SLC9A7: variants seen among roughly 807,000 people sequenced by gnomAD.
The protein encoded by SLC9A7 is solute carrier family 9 member A7.
In SLC9A7, 19 loss-of-function variants were observed where a neutral mutation model predicts 52.6. The ratio of observed to expected loss-of-function variants is 0.36; its 90% CI spans 0.25 to 0.53. SLC9A7 has a LOEUF of 0.53. Among genes scored for constraint, SLC9A7 ranks in the 20% least tolerant of loss-of-function variants. The probability of loss-of-function intolerance (pLI) is 0.91; values close to 1 mark genes in which losing one functional copy is unlikely to be tolerated. For synonymous variants in SLC9A7, 226 were observed against 252.1 expected (o/e 0.90, Z 0.98); for missense variants, 455 against 597.9 (o/e 0.76, Z 2.49).
intron 7 of SLC9A7, among the ~76,000 whole-genome samples, chrX:46,660,712 C>G (rs1602194402): frequency 1.8e-5 from 2 of 109,201 alleles, no homozygotes; most frequent in East Asian, 5.8e-4. Flanking sequence ...ATTAAAAAGT[C>G]AGGAAACAAC....
chrX:46,700,493 T>C lies in SLC9A7; in HGVS notation c.326-17958A>G, dbSNP rs370380501. On this transcript the variant is annotated intron_variant, in intron 1 of 16. Coordinates refer to ENST00000616978, the MANE Select transcript of SLC9A7 (RefSeq NM_001257291.2). ...ACATCAGCTACGCTTTGAAATAGAT[T>C]AATCAGTTTTTCCTCTGAGCTTCTG... 7.1e-5 allele frequency among the ~76,000 whole-genome samples: 8 copies of C among 112,202 alleles called. No individual in the cohort carries two copies. The East Asian group carries it at 2.0e-3, about 27-fold the overall frequency.
chrX:46,758,907 G>A lies in SLC9A7; in HGVS notation c.123C>T (p.Ala41=), dbSNP rs1922899464. ...WGLRVAAAAS[A]SSSGAAAEDS... is the part of the protein sequence containing the mutation. ...CCTCCGCCGCCGCCCCAGAGGAGGA[G>A]GCCGAGGCCGCGGCCGCGACTCGCA... The change falls in exon 1 of 17, where the codon GCC becomes GCT. Residue 41 remains alanine (A), a synonymous_variant. Coordinates refer to ENST00000616978, the MANE Select transcript of SLC9A7 (RefSeq NM_001257291.2). 5 of 1,164,361 alleles carry A rather than the reference G, an allele frequency of 4.3e-6. No homozygotes were observed. Among genetic ancestry groups the A allele is most frequent in the African/African-American group, 1.8e-5 (1 of 54,542 alleles).
At chrX:46,643,144 T>C in intron 12 of SLC9A7, 92 bp downstream of exon 12, 1 of 850,928 alleles carries the variant, frequency 1.2e-6, no homozygotes, top group Non-Finnish European at 1.6e-6. Flanking sequence ...AAGGTTTCCA[T>C]GAACTAAAGT....
chrX:46,748,426 A>C (rs980444421), intron 1 of SLC9A7, among the ~76,000 whole-genome samples: 7 of 104,811 alleles, frequency 6.7e-5, no homozygotes, highest in Non-Finnish European at 1.4e-4. Context: ...GACAGACAGA[A>C]GGAAGGAAAA....
At chrX:46,648,582 A>C (rs1943530550) in intron 11 of SLC9A7, 104 bp downstream of exon 11, 1 of 609,699 alleles carries the variant, frequency 1.6e-6, no homozygotes, top group Non-Finnish European at 2.6e-6. Context: ...ACGGACCAGA[A>C]ACTTGAATGC....
chrX:46,666,085 C>T (rs1176518416), intron 5 of SLC9A7, among the ~76,000 whole-genome samples: 1 of 111,456 alleles, frequency 9.0e-6, no homozygotes, highest in Non-Finnish European at 1.9e-5. Context: ...CAATACCACT[C>T]TGTATCCTAA....
At position 46,663,641 on chromosome X, in the gene SLC9A7, A is replaced by G. The variant is rs6651859; in HGVS notation, c.794-998T>C. Among the ~76,000 whole-genome samples the G allele has an allele frequency of 2.5e-3, 249 of 98,588 alleles. 1 individual carries two copies. The highest frequency in any genetic ancestry group is 9.1e-3 in the African/African-American group (239 of 26,200). The allele number at this position is 98,588 out of a possible 115,157, so 85.6% of individuals were successfully genotyped here. A position where few individuals can be genotyped will look rare whatever the true frequency, so the allele number is the denominator to read the frequency against. On this transcript the variant is annotated intron_variant, in intron 5 of 16. Transcript: ENST00000616978. The stretch of plus-strand genomic sequence containing the variant: ...CAACAAGAGTGAAACTCCATCTCAA[A>G]AAAAAAAAAAAAAAAAAGGAAAGAA...
At chrX:46,756,282 C>A (rs969889354) in intron 1 of SLC9A7, among the ~76,000 whole-genome samples, 23 of 111,417 alleles carry the variant, frequency 2.1e-4, no homozygotes, top group Non-Finnish European at 3.6e-4. Flanking sequence ...GACAATTACT[C>A]ACTTCCTCTA....
rs1602168835 is a variant in SLC9A7, at chrX:46,644,354, G to A, written c.1463-965C>T. ...TTATTTTATAGTAAAGACTGAATCT[G>A]GCCGGGTGTGGTGGCTCACACCTAT... On this transcript the variant is annotated intron_variant, in intron 11 of 16. Transcript: ENST00000616978. Among the ~76,000 whole-genome samples, 13 of 112,263 alleles carry A rather than the reference G, an allele frequency of 1.2e-4. No individual in the cohort carries two copies. In the South Asian group the frequency reaches 4.8e-3, roughly 41 times the overall value.
chrX:46,614,745 C>T (rs1378172073), intron 15 of SLC9A7, among the ~76,000 whole-genome samples: 3 of 111,625 alleles, frequency 2.7e-5, no homozygotes, highest in Non-Finnish European at 5.6e-5. Context: ...TTGATACAGC[C>T]GGGACCACTT....
Position 46,635,667 on chromosome X carries a change from G to A in SLC9A7, c.1617-19C>T, listed in dbSNP as rs749681312. The A allele has an allele frequency of 2.5e-6, 3 of 1,183,067 alleles. No homozygotes were observed. The highest frequency in any genetic ancestry group is 3.4e-6 in the Non-Finnish European group (3 of 869,735). On this transcript the variant is annotated intron_variant, in intron 12 of 16. Coordinates refer to ENST00000616978, the MANE Select transcript of SLC9A7 (RefSeq NM_001257291.2). Reference sequence around the variant, plus strand: ...GCCAACTCTGGGCAGCAGAAGAAGGGAACGTGAGTGTGACAGGGACAACAG... The same window carrying A: ...GCCAACTCTGGGCAGCAGAAGAAGGAAACGTGAGTGTGACAGGGACAACAG...
intron 1 of SLC9A7, among the ~76,000 whole-genome samples, chrX:46,754,685 A>AT (rs369805725): frequency 3.4e-5 from 2 of 58,704 alleles, no homozygotes; most frequent in African/African-American, 3.9e-4. Flanking sequence ...TGGAAAGGTG[A>AT]TGGGGTGGTG....
At chrX:46,695,061 C>T (rs1944430556) in intron 1 of SLC9A7, among the ~76,000 whole-genome samples, 1 of 111,670 alleles carries the variant, frequency 9.0e-6, no homozygotes, top group Admixed American at 9.5e-5. Context: ...TTCATGGTGG[C>T]CAGGGGCTAA....
intron 1 of SLC9A7, among the ~76,000 whole-genome samples, chrX:46,699,512 A>T (rs1351710041): frequency 8.9e-6 from 1 of 111,967 alleles, no homozygotes; most frequent in African/African-American, 3.2e-5. Flanking sequence ...TAGGTTGATT[A>T]TACTTGCCTC....
chrX:46,713,838 G>A (rs921034192), intron 1 of SLC9A7, among the ~76,000 whole-genome samples: 8 of 108,428 alleles, frequency 7.4e-5, no homozygotes, highest in Non-Finnish European at 9.5e-5. Flanking sequence ...GTTTCAAAAC[G>A]TTTTGGAGAA....
At chrX:46,746,474 G>C (rs1294352090) in intron 1 of SLC9A7, among the ~76,000 whole-genome samples, 1 of 111,705 alleles carries the variant, frequency 9.0e-6, no homozygotes, top group Non-Finnish European at 1.9e-5. Flanking sequence ...TTAAAAATGA[G>C]CAAAAGATTT....
chrX:46,692,309 T>C (rs757269903), intron 1 of SLC9A7, among the ~76,000 whole-genome samples: 2 of 111,619 alleles, frequency 1.8e-5, no homozygotes, highest in South Asian at 3.8e-4. Flanking sequence ...ATTAGGAAGA[T>C]TTTTTTCAGA....
At chrX:46,752,737 T>C (rs60204453) in intron 1 of SLC9A7, among the ~76,000 whole-genome samples, 4,255 of 110,384 alleles carry the variant, frequency 0.039, 208 homozygotes, top group African/African-American at 0.13. Flanking sequence ...GATGACTTGC[T>C]TATAAGATGG....
chrX:46,676,001 C>T (rs1047646147), intron 3 of SLC9A7, among the ~76,000 whole-genome samples: 8 of 112,198 alleles, frequency 7.1e-5, no homozygotes, highest in East Asian at 2.8e-4. Flanking sequence ...ATGGAAGTTC[C>T]GTGCCCCTTT....
Sources: allele counts gnomAD v4.1 joint callset (sites outside exome capture counted in the v4.1 genomes callset), GRCh38; gene constraint gnomAD v4.1.1; transcripts MANE v1.5; gene names NCBI Gene and HGNC (gene_info 2026-07-23, HGNC 2026-07-21).